The following GPR153 variants were observed in gnomAD, a reference collection of about 807,000 sequenced individuals.
GPR153 encodes the protein probable G protein-coupled receptor 153.
GPR153 carries 27 observed loss-of-function variants against 34.1 expected under a neutral mutation model. The observed-to-expected ratio is 0.79, with a 90% confidence interval of 0.58 to 1.09. The LOEUF is 1.09. Among genes scored for constraint, GPR153 ranks in the 50% least tolerant of loss-of-function variants. GPR153 has a pLI of 0.00. For missense variants in GPR153, 848 were observed against 860.2 expected, an observed-to-expected ratio of 0.99 and a Z score of 0.18; for synonymous variants, 408 against 405.4, an observed-to-expected ratio of 1.01 and a Z score of -0.08.
chr1:6,254,486 CA>C (rs1638519268), intron 2 of GPR153, 63 bp downstream of exon 2: 6 of 1,387,126 alleles, frequency 4.3e-6, no homozygotes, highest in South Asian at 2.8e-5. Context: ...ATGGGCACAC[CA>C]GATATGTCTT....
Position 6,249,451 on chromosome 1 carries a change from CG to C in GPR153, c.1716del (p.Leu575CysfsTer14). ...RPGLSASWGE[P>X]GGLRAAGGGG... ...CCGCCGCCCGCCGCGCGCAGCCCCC[CG>C]GGCTCGCCCCACGACGCGCTCAGGC... On this transcript the variant is annotated frameshift_variant, in exon 6 of 6. Transcript: ENST00000377893. LOFTEE classifies it high-confidence loss of function. The surrounding 1 kb of genome is among the most constrained non-coding windows in gnomAD (Gnocchi z 4.3). 5 of 1,350,086 alleles carry C rather than the reference CG, an allele frequency of 3.7e-6. No homozygotes were observed. Among genetic ancestry groups the C allele is most frequent in the African/African-American group, 1.5e-5 (1 of 65,278 alleles). The allele number at this position is 1,350,086 out of a possible 1,614,324, so 83.6% of individuals were successfully genotyped here.
chr1:6,250,621 G>A lies in GPR153; in HGVS notation c.983C>T (p.Thr328Ile). ...MANDEESDDE[T>I]SLEGGISPDL... ...CGGGGAGATGCCACCTTCCAGGCTGGTCTCTGTAGGGTGGGGGGTGGGTGG... is the reference window on the plus strand; with the variant it reads ...CGGGGAGATGCCACCTTCCAGGCTGATCTCTGTAGGGTGGGGGGTGGGTGG... Residue 328 changes from threonine (T) to isoleucine (I), a missense_variant, in exon 5 of 6, where the codon ACC becomes ATC. Thr to Ile is a moderately conservative substitution (Grantham distance 89, BLOSUM62 -1). Coordinates refer to ENST00000377893, the MANE Select transcript of GPR153 (RefSeq NM_207370.4). 4.4e-6 allele frequency: 3 copies of A among 689,048 alleles called. No individual in the cohort carries two copies. The highest frequency in any genetic ancestry group is 6.5e-6 in the Non-Finnish European group (3 of 462,350). 42.7% of individuals were successfully genotyped at this position (689,048 alleles called of 1,614,324 possible).
chr1:6,257,930 G>A (rs906171573), intron 1 of GPR153, among the ~76,000 whole-genome samples: 16 of 152,324 alleles, frequency 1.1e-4, no homozygotes, highest in African/African-American at 3.8e-4. Flanking sequence ...TCTTACCCAG[G>A]GGCCATTTAG....
rs111970052 is a variant in GPR153 at position 6,250,564 on chromosome 1, C to T, written c.1040G>A (p.Gly347Asp). The T allele has an allele frequency of 2.9e-3, 4,644 of 1,595,758 alleles. 112 individuals are homozygous for T. The African/African-American group carries it at 0.053, about 18-fold the overall frequency. ...TAGGGCCACAAAATCACCTCCATAGCCATAGTCCAGGGAGCGCTCCAACAC... is the reference window on the plus strand; with the variant it reads ...TAGGGCCACAAAATCACCTCCATAGTCATAGTCCAGGGAGCGCTCCAACAC... ...DLVLERSLDY[G>D]YGGDFVALDR... The change falls in exon 5 of 6, where the codon GGC becomes GAC. Residue 347 changes from glycine to aspartate, a missense_variant. Physicochemically the swap from Gly to Asp is moderately conservative, Grantham distance 94 (BLOSUM62 -1). Transcript: ENST00000377893.
Position 6,255,642 on chromosome 1 carries a change from G to GTTTT in GPR153, c.-109-632_-109-629dup, listed in dbSNP as rs59403526. On this transcript the variant is annotated intron_variant, in intron 1 of 5. Transcript: ENST00000377893. ...GGCCTGCACCACTATGCCTGGCTACGTTTTTTTTTTTTTTTTTTTTTTTTT... is the reference window on the plus strand; with the variant it reads ...GGCCTGCACCACTATGCCTGGCTACGTTTTTTTTTTTTTTTTTTTTTTTTTTTTT... 3.1e-3 allele frequency among the ~76,000 whole-genome samples: 122 copies of GTTTT among 38,848 alleles called. 27 individuals are homozygous for GTTTT. Among genetic ancestry groups the GTTTT allele is most frequent in the Non-Finnish European group, 3.4e-3 (77 of 22,500 alleles). The allele number at this position is 38,848 out of a possible 152,430, so 25.5% of individuals were successfully genotyped here. A position where few individuals can be genotyped will look rare whatever the true frequency, so the allele number is the denominator to read the frequency against.
At position 6,249,610 on chromosome 1, in the gene GPR153, C is replaced by A. The variant is rs953941234; in HGVS notation, c.1558G>T (p.Gly520Trp). 19 of 1,128,562 alleles carry A rather than the reference C, an allele frequency of 1.7e-5. No individual in the cohort carries two copies. Among genetic ancestry groups the A allele is most frequent in the Non-Finnish European group, 2.0e-5 (18 of 922,726 alleles). 69.9% of individuals were successfully genotyped at this position (1,128,562 alleles called of 1,614,324 possible). A position where few individuals can be genotyped will look rare whatever the true frequency, so the allele number is the denominator to read the frequency against. ...GCGGCGGGCGCAGCGGGGAAGGGCC[C>A]GGGCGGGCGGCGCAGGGCCTGTGGC... is the stretch of plus-strand genomic sequence containing the variant. ...CEPQALRRPP[G>W]PFPAAPAAPD... The change falls in exon 6 of 6, where the codon GGG (glycine) becomes TGG (tryptophan). Residue 520 changes from glycine (G) to tryptophan (W), a missense_variant. Coordinates refer to ENST00000377893, the MANE Select transcript of GPR153 (RefSeq NM_207370.4). The surrounding 1 kb of genome is among the most constrained non-coding windows in gnomAD (Gnocchi z 4.3).
At position 6,250,744 on chromosome 1, in the gene GPR153, G is replaced by T. The variant is rs192760935; in HGVS notation, c.980-120C>A. 15 of 606,028 alleles carry T rather than the reference G, an allele frequency of 2.5e-5. No homozygotes were observed. In the Admixed American group the frequency reaches 3.9e-4, roughly 16 times the overall value. 37.5% of individuals were successfully genotyped at this position (606,028 alleles called of 1,614,324 possible). A position where few individuals can be genotyped will look rare whatever the true frequency, so the allele number is the denominator to read the frequency against. ...CCCAACAGACATATACAAGGTAGGGGGCTGGTTAGCTGAAAAGGGAATGGG... is the reference window on the plus strand; with the variant it reads ...CCCAACAGACATATACAAGGTAGGGTGCTGGTTAGCTGAAAAGGGAATGGG... On this transcript the variant is annotated intron_variant, in intron 4 of 5. Coordinates refer to ENST00000377893, the MANE Select transcript of GPR153 (RefSeq NM_207370.4).
chr1:6,260,390 C>CCT (rs1213124101), intron 1 of GPR153, among the ~76,000 whole-genome samples: 2,453 of 131,508 alleles, frequency 0.019, 185 homozygotes, highest in African/African-American at 0.071. Flanking sequence ...CCCCCCCCCC[C>CCT]GCAATCCCCG....
Position 6,254,802 on chromosome 1 carries a change from T to C in GPR153, c.104A>G (p.Lys35Arg), listed in dbSNP as rs765339957. 16 of 1,613,436 alleles carry C rather than the reference T, an allele frequency of 9.9e-6. No individual in the cohort carries two copies. Among genetic ancestry groups the C allele is most frequent in the Non-Finnish European group, 1.3e-5 (15 of 1,179,904 alleles). The part of the protein sequence containing the change: ...NAWGILSVGA[K>R]QKKWKPLEFL... Reference sequence around the variant, plus strand: ...CTCCAAGGGCTTCCACTTCTTCTGCTTGGCGCCAACGCTGAGGATGCCCCA... The same window carrying C: ...CTCCAAGGGCTTCCACTTCTTCTGCCTGGCGCCAACGCTGAGGATGCCCCA... The change falls in exon 2 of 6, where the codon AAG becomes AGG. Residue 35 changes from lysine (K) to arginine (R), a missense_variant. Transcript: ENST00000377893.
Position 6,250,502 on chromosome 1 carries a change from C to A in GPR153, c.1102G>T (p.Gly368Trp). ...AGTGGGTAGAGCTGGGGCAGGCCCC[C>A]CTCCAGGGCGGAGATCTCATACTTG... ...MAKYEISALE[G>W]GLPQLYPLRP... The change falls in exon 5 of 6, where the codon GGG becomes TGG. Residue 368 changes from glycine (G) to tryptophan (W), a missense_variant. By Grantham distance (184) the Gly-to-Trp change is radical (BLOSUM62 -2). Coordinates refer to ENST00000377893, the MANE Select transcript of GPR153 (RefSeq NM_207370.4). 4 of 1,610,244 alleles carry A rather than the reference C, an allele frequency of 2.5e-6. No individual in the cohort carries two copies. The highest frequency in any genetic ancestry group is 1.1e-5 in the South Asian group (1 of 90,004).
At chr1:6,258,105 C>T (rs1638601733) in intron 1 of GPR153, among the ~76,000 whole-genome samples, 1 of 152,196 alleles carries the variant, frequency 6.6e-6, no homozygotes, top group Non-Finnish European at 1.5e-5. Context: ...GATGCCCCAG[C>T]CAGCAGCTGG....
intron 1 of GPR153, 78 bp downstream of exon 1, chr1:6,260,747 G>A (rs933668275): frequency 6.6e-6 from 1 of 151,898 alleles, no homozygotes; most frequent in Admixed American, 6.6e-5. Flanking sequence ...GGCGCGGAAA[G>A]CCCCCTCCCT....
In GPR153 at chr1:6,254,897, A is replaced by G; in HGVS notation, c.9T>C (p.Asp3=). The G allele has an allele frequency of 6.4e-7, 1 of 1,567,948 alleles. No individual in the cohort carries two copies. Among genetic ancestry groups the G allele is most frequent in the South Asian group, 1.2e-5 (1 of 84,138 alleles). MS[D]ERRLPGSAVG... ...CTGCACTGCCAGGCAGCCGCCGCTC[A>G]TCACTCATGGTGCAGACCGGAGCTG... The change falls in exon 2 of 6, where the codon GAT becomes GAC. Residue 3 remains aspartate, a synonymous_variant. Coordinates refer to ENST00000377893, the MANE Select transcript of GPR153 (RefSeq NM_207370.4).
At position 6,249,372 on chromosome 1, in the gene GPR153, G is replaced by C; in HGVS notation, c.1796C>G (p.Thr599Arg). The part of the protein sequence containing the change: ...SSPSESSGYA[T>R]LHSDSLGSAS ...GGAGCCCAGCGAGTCCGAGTGCAGC[G>C]TGGCGTAGCCCGAGGACTCGGAGGG... The change falls in exon 6 of 6, where the codon ACG becomes AGG. Residue 599 changes from threonine to arginine, a missense_variant. Transcript: ENST00000377893. The surrounding 1 kb of genome is among the most constrained non-coding windows in gnomAD (Gnocchi z 4.3). The C allele has an allele frequency of 7.4e-7, 1 of 1,350,662 alleles. No individual in the cohort carries two copies. Among genetic ancestry groups the C allele is most frequent in the Non-Finnish European group, 9.5e-7 (1 of 1,056,838 alleles). 83.7% of individuals were successfully genotyped at this position (1,350,662 alleles called of 1,614,324 possible).
intron 3 of GPR153, among the ~76,000 whole-genome samples, chr1:6,253,380 A>G (rs183864982): frequency 6.6e-6 from 1 of 152,334 alleles, no homozygotes; most frequent in East Asian, 1.9e-4. Flanking sequence ...CTGGGCAACA[A>G]GAGCAAAACT....
intron 1 of GPR153, among the ~76,000 whole-genome samples, chr1:6,256,003 C>A (rs1380451865): frequency 6.6e-6 from 1 of 152,168 alleles, no homozygotes; most frequent in Non-Finnish European, 1.5e-5. Context: ...CAGTGTTGCC[C>A]AGGTTGGTCT....
intron 1 of GPR153, among the ~76,000 whole-genome samples, chr1:6,257,346 G>A (rs79510754): frequency 0.02 from 3,056 of 152,346 alleles, 112 homozygotes; most frequent in African/African-American, 0.07. Flanking sequence ...TTGGGGAACG[G>A]AGATGGTCAC....
At position 6,251,770 on chromosome 1, in the gene GPR153, G is replaced by T. The variant is rs1408611197; in HGVS notation, c.787-240C>A. On this transcript the variant is annotated intron_variant, in intron 3 of 5. Coordinates refer to ENST00000377893, the MANE Select transcript of GPR153 (RefSeq NM_207370.4). This position sits in a 1 kb window ranked among gnomAD's most constrained non-coding sequence, Gnocchi z 4.9. ...CTCTGTCTTCCTCCTGGCTGCCCATGGAGAGAAGTGGGGCATGGATTACCA... is the reference window on the plus strand; with the variant it reads ...CTCTGTCTTCCTCCTGGCTGCCCATTGAGAGAAGTGGGGCATGGATTACCA... Among the ~76,000 whole-genome samples, 1 of 152,176 alleles carries T rather than the reference G, an allele frequency of 6.6e-6. No individual in the cohort carries two copies. Among genetic ancestry groups the T allele is most frequent in the Non-Finnish European group, 1.5e-5 (1 of 68,032 alleles).
At chr1:6,255,134 A>G in intron 1 of GPR153, 120 bp from the exon 2 acceptor site, 1 of 421,772 alleles carries the variant, frequency 2.4e-6, no homozygotes, top group Non-Finnish European at 4.2e-6. Context: ...TGCAAAACTC[A>G]TGTTGAAATT....
Sources: allele counts gnomAD v4.1 joint callset (sites outside exome capture counted in the v4.1 genomes callset), GRCh38; gene constraint gnomAD v4.1.1; non-coding constraint Gnocchi (gnomAD v3.1); transcripts MANE v1.5; gene names NCBI Gene and HGNC (gene_info 2026-07-23, HGNC 2026-07-21).